The following WWOX variants were observed in gnomAD, a reference collection of about 807,000 sequenced individuals.
The protein encoded by WWOX is WW domain-containing oxidoreductase.
WWOX carries 69 observed loss-of-function variants against 46.2 expected under a neutral mutation model. The ratio of observed to expected loss-of-function variants is 1.49; its 90% CI spans 1.23 to 1.82. The LOEUF (loss-of-function observed/expected upper bound fraction) is 1.82, where lower values mean the gene tolerates loss of function less well. Ranked by LOEUF, WWOX falls within the 40% of genes most tolerant of loss-of-function variation. The probability of loss-of-function intolerance (pLI) is 0.00; values close to 1 mark genes in which losing one functional copy is unlikely to be tolerated. For missense variants in WWOX, 919 were observed against 542.6 expected, an observed-to-expected ratio of 1.69 and a Z score of -6.89; for synonymous variants, 359 against 202.6, an observed-to-expected ratio of 1.77 and a Z score of -6.56.
chr16:78,749,050 T>C (rs369914334), intron 8 of WWOX, among the ~76,000 whole-genome samples: 1 of 152,230 alleles, frequency 6.6e-6, no homozygotes, highest in East Asian at 1.9e-4. Flanking sequence ...TATTCTAAAA[T>C]TATCAATTGC....
intron 5 of WWOX, among the ~76,000 whole-genome samples, chr16:78,328,357 C>T (rs1179946807): frequency 1.5e-4 from 23 of 152,154 alleles, no homozygotes; most frequent in Admixed American, 1.5e-3. Context: ...TATTTCATAG[C>T]ATATGATTGA....
chr16:79,209,645 A>C (rs1374077061), intron 8 of WWOX, among the ~76,000 whole-genome samples: 2 of 152,180 alleles, frequency 1.3e-5, no homozygotes, highest in Admixed American at 6.5e-5. Flanking sequence ...AGATATCTGG[A>C]AGTTGATACA....
chr16:79,210,824 A>G (rs1026783607), intron 8 of WWOX, among the ~76,000 whole-genome samples: 1 of 152,186 alleles, frequency 6.6e-6, no homozygotes, highest in East Asian at 1.9e-4. Context: ...CCCTAGCCAC[A>G]GCCGCAACTG....
intron 8 of WWOX, among the ~76,000 whole-genome samples, chr16:78,840,338 C>T (rs1022149102): frequency 6.6e-6 from 1 of 152,058 alleles, no homozygotes; most frequent in Non-Finnish European, 1.5e-5. Flanking sequence ...TGTGTGAATT[C>T]AGGGAGAGGA....
chr16:79,116,566 C>T (rs866356569), intron 8 of WWOX, among the ~76,000 whole-genome samples: 1 of 152,188 alleles, frequency 6.6e-6, no homozygotes, highest in Non-Finnish European at 1.5e-5. Context: ...CAAGTTTTCT[C>T]ATGAGATTGC....
At chr16:78,622,500 C>G (rs546253537) in intron 8 of WWOX, among the ~76,000 whole-genome samples, 1 of 151,744 alleles carries the variant, frequency 6.6e-6, no homozygotes, top group South Asian at 2.1e-4. Flanking sequence ...TGAGATCGTG[C>G]CACTGTACTC....
At position 78,350,383 on chromosome 16, in the gene WWOX, A is replaced by G. The variant is rs1044868818; in HGVS notation, c.517-36477A>G. 4.9e-5 allele frequency among the ~76,000 whole-genome samples: 6 copies of G among 121,378 alleles called. 2 individuals are homozygous for G. Among genetic ancestry groups the G allele is most frequent in the Admixed American group, 4.0e-4 (5 of 12,486 alleles). 79.6% of individuals were successfully genotyped at this position (121,378 alleles called of 152,430 possible). On this transcript the variant is annotated intron_variant, in intron 5 of 8. Coordinates refer to ENST00000566780, the MANE Select transcript of WWOX (RefSeq NM_016373.4). Reference sequence around the variant, plus strand: ...AGTTTTGCAGCTGTCACCACAGTCAAGTTTAGAATATTTTCATTTTCCCAA... The same window carrying G: ...AGTTTTGCAGCTGTCACCACAGTCAGGTTTAGAATATTTTCATTTTCCCAA...
intron 8 of WWOX, among the ~76,000 whole-genome samples, chr16:79,010,562 C>G (rs1350110914): frequency 6.6e-6 from 1 of 152,100 alleles, no homozygotes; most frequent in Non-Finnish European, 1.5e-5. Flanking sequence ...AAGAAACAGA[C>G]AATTCATGAA....
chr16:78,922,086 C>T (rs2045392197), intron 8 of WWOX, among the ~76,000 whole-genome samples: 1 of 152,164 alleles, frequency 6.6e-6, no homozygotes, highest in Non-Finnish European at 1.5e-5. Flanking sequence ...CAGAGAAACT[C>T]ACCTGAGCCT....
rs146365893 is a variant in WWOX at position 78,472,374 on chromosome 16, T to C, written c.1056+39622T>C. 5.9e-5 allele frequency among the ~76,000 whole-genome samples: 9 copies of C among 152,296 alleles called. No homozygotes were observed. In the East Asian group the frequency reaches 1.4e-3, roughly 23 times the overall value. ...GTTCATTTTTAAATAATGAAAAACT[T>C]TGGGGCCTTGTTCATTGTTTCTAAA... On this transcript the variant is annotated intron_variant, in intron 8 of 8. Coordinates refer to ENST00000566780, the MANE Select transcript of WWOX (RefSeq NM_016373.4).
chr16:78,991,719 C>T (rs1161038203), intron 8 of WWOX, among the ~76,000 whole-genome samples: 1 of 151,802 alleles, frequency 6.6e-6, no homozygotes, highest in Non-Finnish European at 1.5e-5. Flanking sequence ...ATAAGGTTAA[C>T]CCCTCCTCGT....
intron 8 of WWOX, among the ~76,000 whole-genome samples, chr16:78,932,648 G>T: frequency 6.6e-6 from 1 of 152,316 alleles, no homozygotes; most frequent in South Asian, 2.1e-4. Flanking sequence ...CTGCAGCTGC[G>T]GCCTCTGGGG....
At chr16:78,598,005 A>C (rs907253638) in intron 8 of WWOX, among the ~76,000 whole-genome samples, 4 of 152,166 alleles carry the variant, frequency 2.6e-5, no homozygotes, top group African/African-American at 9.7e-5. Context: ...TCTGCTTATT[A>C]GAATATGATA....
chr16:78,162,218 T>G (rs1295577254), intron 4 of WWOX, among the ~76,000 whole-genome samples: 1 of 152,230 alleles, frequency 6.6e-6, no homozygotes, highest in Non-Finnish European at 1.5e-5. Flanking sequence ...ATATTTTCAC[T>G]AGGTATAGAA....
At chr16:78,816,249 G>C (rs1349926154) in intron 8 of WWOX, among the ~76,000 whole-genome samples, 1 of 152,140 alleles carries the variant, frequency 6.6e-6, no homozygotes, top group African/African-American at 2.4e-5. Context: ...CAGAGAAAGA[G>C]GGCACCCTTT....
At chr16:78,343,119 C>G (rs552690890) in intron 5 of WWOX, among the ~76,000 whole-genome samples, 2 of 120,584 alleles carry the variant, frequency 1.7e-5, no homozygotes, top group African/African-American at 5.6e-5. Context: ...CAACATAAGC[C>G]TCATGAGACA....
At chr16:78,927,841 T>A (rs954956370) in intron 8 of WWOX, among the ~76,000 whole-genome samples, 1 of 152,210 alleles carries the variant, frequency 6.6e-6, no homozygotes, top group Non-Finnish European at 1.5e-5. Context: ...GGATTTCTCT[T>A]ACTGTTTATT....
chr16:78,656,591 A>G (rs1254505510), intron 8 of WWOX, among the ~76,000 whole-genome samples: 2 of 152,200 alleles, frequency 1.3e-5, no homozygotes, highest in African/African-American at 4.8e-5. Context: ...ACTCACTGTC[A>G]TGAGAACAGC....
chr16:79,052,186 C>G (rs891985149), intron 8 of WWOX, among the ~76,000 whole-genome samples: 2 of 151,798 alleles, frequency 1.3e-5, no homozygotes, highest in African/African-American at 2.4e-5. Flanking sequence ...CTATCCCTCC[C>G]CCTTCCCCCC....
Sources: allele counts gnomAD v4.1 joint callset (sites outside exome capture counted in the v4.1 genomes callset), GRCh38; gene constraint gnomAD v4.1.1; transcripts MANE v1.5; gene names NCBI Gene and HGNC (gene_info 2026-07-23, HGNC 2026-07-21).